NSUN3: variants seen among roughly 807,000 people sequenced by gnomAD.
NSUN3 encodes the protein NOP2/Sun RNA methyltransferase 3.
NSUN3 carries 24 observed loss-of-function variants against 36.8 expected under a neutral mutation model. The ratio of observed to expected loss-of-function variants is 0.65; its 90% CI spans 0.47 to 0.92. The LOEUF (loss-of-function observed/expected upper bound fraction) is 0.92, where lower values mean the gene tolerates loss of function less well. Among genes scored for constraint, NSUN3 ranks in the 40% least tolerant of loss-of-function variants. NSUN3 has a pLI of 0.00. For missense variants in NSUN3, 381 were observed against 392.8 expected (o/e 0.97, Z 0.25); for synonymous variants, 146 against 145.2 (o/e 1.01, Z -0.04).
At chr3:94,084,480 A>G in intron 3 of NSUN3, 30 bp downstream of exon 3, 1 of 1,486,792 alleles carries the variant, frequency 6.7e-7, no homozygotes, top group East Asian at 2.3e-5. Flanking sequence ...GTATTTGACA[A>G]CTTTTTAATA....
chr3:94,084,019 A>G, intron 2 of NSUN3, 88 bp from the exon 3 acceptor site: 3 of 943,544 alleles, frequency 3.2e-6, no homozygotes, highest in Non-Finnish European at 4.7e-6. Flanking sequence ...GTGTAAAACT[A>G]GGACCACATT....
intron 5 of NSUN3, among the ~76,000 whole-genome samples, chr3:94,107,743 C>A (rs1357708408): frequency 2.0e-5 from 3 of 152,058 alleles, no homozygotes; most frequent in Non-Finnish European, 4.4e-5. Context: ...TTTGGGGACA[C>A]CATATCTCAA....
At chr3:94,113,628 A>G (rs1051695796) in intron 5 of NSUN3, among the ~76,000 whole-genome samples, 2 of 152,186 alleles carry the variant, frequency 1.3e-5, no homozygotes, top group Admixed American at 6.5e-5. Flanking sequence ...AGTTTCATGA[A>G]GTTGAGGATT....
chr3:94,113,569 A>G (rs986171528), intron 5 of NSUN3, among the ~76,000 whole-genome samples: 3 of 152,226 alleles, frequency 2.0e-5, no homozygotes, highest in African/African-American at 7.2e-5. Context: ...TCAGAGAAAT[A>G]GAAGATGAAC....
chr3:94,088,383 T>C (rs2077301377), intron 3 of NSUN3, among the ~76,000 whole-genome samples: 1 of 152,192 alleles, frequency 6.6e-6, no homozygotes, highest in Non-Finnish European at 1.5e-5. Flanking sequence ...TATCCTCATA[T>C]ATAAATCTTT....
In NSUN3 at chr3:94,095,045, G is replaced by C. The variant is rs2077331761; in HGVS notation, c.634G>C (p.Ala212Pro). The C allele has an allele frequency of 6.2e-7, 1 of 1,613,736 alleles. No individual in the cohort carries two copies. Among genetic ancestry groups the C allele is most frequent in the African/African-American group, 1.3e-5 (1 of 74,902 alleles). The change falls in exon 5 of 6, where the codon GCT (alanine) becomes CCT (proline). Residue 212 changes from alanine to proline, a missense_variant. Ala to Pro is a conservative substitution (Grantham distance 27, BLOSUM62 -1). Coordinates refer to ENST00000314622, the MANE Select transcript of NSUN3 (RefSeq NM_022072.5). ...PEMFDKVLVDAPCSNDRSWLF... is the reference protein window; with the variant it reads ...PEMFDKVLVDPPCSNDRSWLF... The stretch of plus-strand genomic sequence containing the variant: ...TTTTTTTCTCTAGGTGTTAGTGGAT[G>C]CTCCGTGTTCAAATGATCGAAGCTG...
At position 94,130,466 on chromosome 3, in the gene NSUN3, G is replaced by A. The variant is rs1296927892; in HGVS notation, c.*3976G>A. 6.6e-6 allele frequency among the ~76,000 whole-genome samples: 1 copy of A among 152,042 alleles called. No homozygotes were observed. Among genetic ancestry groups the A allele is most frequent in the Non-Finnish European group, 1.5e-5 (1 of 68,004 alleles). On this transcript the variant is annotated 3_prime_UTR_variant, in exon 6 of 6. Coordinates refer to ENST00000314622, the MANE Select transcript of NSUN3 (RefSeq NM_022072.5). ...GAAAACTGAAAATAACAAAAACCCA[G>A]GACATTTTTGGAAATTGTATGCTCT...
At chr3:94,089,929 C>T (rs915761306) in intron 3 of NSUN3, among the ~76,000 whole-genome samples, 5 of 152,116 alleles carry the variant, frequency 3.3e-5, no homozygotes, top group East Asian at 3.9e-4. Flanking sequence ...GGATTTACCT[C>T]CCACTAACAC....
At chr3:94,106,079 G>T (rs1426753488) in intron 5 of NSUN3, among the ~76,000 whole-genome samples, 1 of 151,922 alleles carries the variant, frequency 6.6e-6, no homozygotes, top group Non-Finnish European at 1.5e-5. Flanking sequence ...ATGAGGCAAT[G>T]AACTGTTAAG....
At chr3:94,089,849 C>G (rs549857442) in intron 3 of NSUN3, among the ~76,000 whole-genome samples, 15 of 152,272 alleles carry the variant, frequency 9.9e-5, no homozygotes, top group African/African-American at 3.6e-4. Flanking sequence ...GTCTCTTTTT[C>G]TGCCTTATGC....
chr3:94,077,493 G>A (rs1187042966), intron 2 of NSUN3, among the ~76,000 whole-genome samples: 2 of 152,124 alleles, frequency 1.3e-5, no homozygotes, highest in African/African-American at 4.8e-5. Context: ...CTATTGTTTG[G>A]AATAGTTTCA....
At chr3:94,078,755 C>A (rs2077256520) in intron 2 of NSUN3, among the ~76,000 whole-genome samples, 1 of 152,068 alleles carries the variant, frequency 6.6e-6, no homozygotes, top group African/African-American at 2.4e-5. Context: ...AGGATTGGAA[C>A]TCCTGCTTAT....
chr3:94,090,791 C>T (rs1046322339), intron 3 of NSUN3, among the ~76,000 whole-genome samples: 15 of 152,082 alleles, frequency 9.9e-5, no homozygotes, highest in African/African-American at 3.1e-4. Context: ...GACCTAAGAA[C>T]ATTTTCTTAA....
chr3:94,105,441 T>C (rs1448287509), intron 5 of NSUN3, among the ~76,000 whole-genome samples: 2 of 152,198 alleles, frequency 1.3e-5, no homozygotes, highest in African/African-American at 2.4e-5. Flanking sequence ...ATGCCTTTAG[T>C]AAATTTTGTA....
chr3:94,116,904 T>C (rs1237990274), intron 5 of NSUN3, among the ~76,000 whole-genome samples: 3 of 151,092 alleles, frequency 2.0e-5, no homozygotes, highest in South Asian at 2.1e-4. Context: ...TGAATAGTTA[T>C]ACCACATGAG....
intron 3 of NSUN3, among the ~76,000 whole-genome samples, chr3:94,087,427 G>T (rs555418559): frequency 8.9e-4 from 135 of 152,274 alleles, no homozygotes; most frequent in Non-Finnish European, 1.8e-3. Context: ...AAAAAAAAGA[G>T]TCTACTTTCT....
intron 2 of NSUN3, among the ~76,000 whole-genome samples, chr3:94,080,590 T>C (rs2107244016): frequency 6.6e-6 from 1 of 152,306 alleles, no homozygotes; most frequent in African/African-American, 2.4e-5. Context: ...CTGCCTTTTT[T>C]TCAGAGATGC....
chr3:94,069,124 G>A (rs1031801947), intron 2 of NSUN3, among the ~76,000 whole-genome samples: 3 of 152,128 alleles, frequency 2.0e-5, no homozygotes, highest in Non-Finnish European at 4.4e-5. Context: ...CCAAATGTAT[G>A]CTCAGATCCC....
At chr3:94,074,737 A>G (rs1315198941) in intron 2 of NSUN3, among the ~76,000 whole-genome samples, 1 of 152,198 alleles carries the variant, frequency 6.6e-6, no homozygotes, top group Non-Finnish European at 1.5e-5. Flanking sequence ...ATATACAATC[A>G]TGTCATCTGC....
Sources: allele counts gnomAD v4.1 joint callset (sites outside exome capture counted in the v4.1 genomes callset), GRCh38; gene constraint gnomAD v4.1.1; transcripts MANE v1.5; gene names NCBI Gene and HGNC (gene_info 2026-07-23, HGNC 2026-07-21).